Variants in SLC9A9 observed in about 807,000 individuals in gnomAD.
The protein encoded by SLC9A9 is solute carrier family 9 member A9.
SLC9A9 carries 62 observed loss-of-function variants against 77.8 expected under a neutral mutation model. That is an observed-to-expected ratio of 0.80 (90% confidence interval 0.65 to 0.98). SLC9A9 has a LOEUF of 0.98. Ranked by LOEUF, SLC9A9 falls within the 50% of genes least tolerant of loss-of-function variation. SLC9A9 has a pLI of 0.00. For synonymous variants in SLC9A9, 320 were observed against 283.5 expected (o/e 1.13, Z -1.29); for missense variants, 775 against 774.9 (o/e 1.00, Z 0.00).
rs191791800 is a variant in SLC9A9 at position 143,317,813 on chromosome 3, T to C, written c.1604+45671A>G. Among the ~76,000 whole-genome samples the C allele has an allele frequency of 7.7e-3, 1,166 of 152,260 alleles. 18 individuals are homozygous for C. The highest frequency in any genetic ancestry group is 0.024 in the African/African-American group (1,003 of 41,550). On this transcript the variant is annotated intron_variant, in intron 14 of 15. Transcript: ENST00000316549. ...AGTGATCTTGGCTCACTGCAAGCTC[T>C]GCCTCCCAGGTTCATGCGATTCTCC...
chr3:143,773,506 T>C (rs2108841701), intron 4 of SLC9A9, among the ~76,000 whole-genome samples: 2 of 151,224 alleles, frequency 1.3e-5, no homozygotes, highest in South Asian at 4.2e-4. Flanking sequence ...TTTTTTGAAA[T>C]GGGGTTTTGC....
intron 9 of SLC9A9, among the ~76,000 whole-genome samples, chr3:143,504,552 T>C (rs1262985140): frequency 6.6e-6 from 1 of 152,204 alleles, no homozygotes; most frequent in Non-Finnish European, 1.5e-5. Context: ...AGTTGAAGAT[T>C]TACAGTTACA....
chr3:143,407,914 G>A (rs2034013482), intron 12 of SLC9A9, among the ~76,000 whole-genome samples: 2 of 152,188 alleles, frequency 1.3e-5, no homozygotes, highest in African/African-American at 4.8e-5. Flanking sequence ...GGAAATGGAT[G>A]GTTCAAACAG....
At chr3:143,696,084 C>T (rs1355906544) in intron 4 of SLC9A9, among the ~76,000 whole-genome samples, 2 of 152,158 alleles carry the variant, frequency 1.3e-5, no homozygotes, top group Admixed American at 1.3e-4. Context: ...AATTTTCTCC[C>T]ATTCTGTAGG....
At chr3:143,511,683 G>A (rs1173449093) in intron 9 of SLC9A9, among the ~76,000 whole-genome samples, 1 of 152,166 alleles carries the variant, frequency 6.6e-6, no homozygotes, top group Non-Finnish European at 1.5e-5. Context: ...AGGCATAACT[G>A]GGGGTATGAC....
chr3:143,699,331 C>CA (rs79999345), intron 4 of SLC9A9, among the ~76,000 whole-genome samples: 1,706 of 151,510 alleles, frequency 0.011, 29 homozygotes, highest in African/African-American at 0.039. Flanking sequence ...ACTATCTACA[C>CA]AAAAAAAAAG....
chr3:143,837,586 C>T (rs939630468), intron 1 of SLC9A9, among the ~76,000 whole-genome samples: 1 of 152,100 alleles, frequency 6.6e-6, no homozygotes, highest in Non-Finnish European at 1.5e-5. Context: ...TATTGATCGC[C>T]AGCCCAATGT....
chr3:143,826,942 A>G (rs967421482), intron 2 of SLC9A9, among the ~76,000 whole-genome samples: 2 of 151,978 alleles, frequency 1.3e-5, no homozygotes, highest in Non-Finnish European at 2.9e-5. Context: ...TTACTCATTC[A>G]TTTATTCATA....
At chr3:143,568,906 T>C (rs1336091991) in intron 8 of SLC9A9, among the ~76,000 whole-genome samples, 6 of 151,270 alleles carry the variant, frequency 4.0e-5, no homozygotes, top group Admixed American at 3.9e-4. Context: ...AGTTAGAAAC[T>C]ATAAAGAAGT....
intron 11 of SLC9A9, among the ~76,000 whole-genome samples, chr3:143,483,846 T>C (rs910626904): frequency 6.6e-6 from 1 of 152,162 alleles, no homozygotes; most frequent in African/African-American, 2.4e-5. Context: ...TTTGAACCCC[T>C]GAGGTGTGCT....
chr3:143,755,989 G>A (rs1036345624), intron 4 of SLC9A9, among the ~76,000 whole-genome samples: 1 of 152,106 alleles, frequency 6.6e-6, no homozygotes, highest in African/African-American at 2.4e-5. Context: ...TAATTCTTGG[G>A]GAAACAGAGG....
intron 11 of SLC9A9, among the ~76,000 whole-genome samples, chr3:143,469,619 C>T (rs1007476753): frequency 3.9e-5 from 6 of 152,180 alleles, no homozygotes; most frequent in African/African-American, 1.2e-4. Context: ...TAGAATATAA[C>T]GCTCCTTTCT....
intron 12 of SLC9A9, among the ~76,000 whole-genome samples, chr3:143,404,169 TTC>T (rs2033920848): frequency 9.2e-6 from 1 of 108,250 alleles, no homozygotes; most frequent in Non-Finnish European, 2.0e-5. Flanking sequence ...TGTATAATTT[TTC>T]TTTTTTCTTT....
chr3:143,776,765 AT>A (rs1275626435), intron 4 of SLC9A9, among the ~76,000 whole-genome samples: 1 of 152,212 alleles, frequency 6.6e-6, no homozygotes, highest in Non-Finnish European at 1.5e-5. Context: ...ACCATAAGTA[AT>A]GTTCTAAAGC....
chr3:143,423,251 A>ACG (rs1296834999), intron 12 of SLC9A9, among the ~76,000 whole-genome samples: 8 of 90,990 alleles, frequency 8.8e-5, no homozygotes, highest in African/African-American at 4.7e-4. Context: ...GCGCGTGTAC[A>ACG]CACACACACA....
chr3:143,747,645 A>G (rs551228868), intron 4 of SLC9A9, among the ~76,000 whole-genome samples: 1 of 152,182 alleles, frequency 6.6e-6, no homozygotes, highest in Non-Finnish European at 1.5e-5. Flanking sequence ...AACATGAGGA[A>G]TGCCAGCGGC....
intron 4 of SLC9A9, among the ~76,000 whole-genome samples, chr3:143,733,934 T>C (rs989242653): frequency 2.6e-5 from 4 of 152,146 alleles, no homozygotes; most frequent in African/African-American, 9.7e-5. Context: ...CAGTGGCTAA[T>C]ACCTATAATC....
intron 12 of SLC9A9, among the ~76,000 whole-genome samples, chr3:143,423,232 T>C (rs952834444): frequency 2.2e-5 from 3 of 138,706 alleles, no homozygotes; most frequent in African/African-American, 5.3e-5. Flanking sequence ...CACACACACG[T>C]GTACACACGC....
intron 12 of SLC9A9, among the ~76,000 whole-genome samples, chr3:143,451,010 T>C (rs2034997876): frequency 6.6e-6 from 1 of 152,026 alleles, no homozygotes; most frequent in African/African-American, 2.4e-5. Flanking sequence ...ATGTTCAAAT[T>C]GCATCCTATA....
Sources: gnomAD v4.1 joint callset for allele counts (sites outside exome capture counted in the v4.1 genomes callset) on GRCh38, gnomAD v4.1.1 for gene constraint, MANE v1.5 for transcripts, NCBI Gene and HGNC (gene_info 2026-07-23, HGNC 2026-07-21) for gene names.